The following CACNA2D1 variants were observed in gnomAD, a reference collection of about 807,000 sequenced individuals.
CACNA2D1 encodes the protein voltage-dependent calcium channel subunit alpha-2/delta-1.
Under a neutral mutation model 171.5 loss-of-function variants are expected in CACNA2D1, and 53 were observed. The ratio of observed to expected loss-of-function variants is 0.31; its 90% confidence interval spans 0.25 to 0.39. The LOEUF is 0.39. Ranked by LOEUF, CACNA2D1 falls within the 10% of genes least tolerant of loss-of-function variation. The probability of loss-of-function intolerance (pLI) is 1.00; values close to 1 mark genes in which losing one functional copy is unlikely to be tolerated. For missense variants in CACNA2D1, 903 were observed against 1,299.8 expected (o/e 0.69, Z 4.69); for synonymous variants, 442 against 443.1 (o/e 1.00, Z 0.03).
rs2129917053 is a variant in CACNA2D1, at chr7:81,949,599, T to G, written c.*793A>C. On this transcript the variant is annotated 3_prime_UTR_variant, in exon 39 of 39. Coordinates refer to ENST00000356860, the MANE Select transcript of CACNA2D1 (RefSeq NM_000722.4). Reference sequence around the variant, plus strand: ...GCATTTTTAAATATCTGGCTAGCACTACATAACTGTACTGTGAACAAAAGG... The same window carrying G: ...GCATTTTTAAATATCTGGCTAGCACGACATAACTGTACTGTGAACAAAAGG... The G allele has an allele frequency of 6.6e-6, 1 of 152,234 alleles. No individual in the cohort carries two copies. The highest frequency in any genetic ancestry group is 6.5e-5 in the Admixed American group (1 of 15,272). The allele number at this position is 152,234 out of a possible 1,614,324, so 9.4% of individuals were successfully genotyped here.
intron 5 of CACNA2D1, among the ~76,000 whole-genome samples, chr7:82,135,836 T>C (rs1002750424): frequency 6.6e-6 from 1 of 152,158 alleles, no homozygotes; most frequent in South Asian, 2.1e-4. Context: ...GTTTGCTATG[T>C]TTACTGAAAT....
At position 82,329,397 on chromosome 7, in the gene CACNA2D1, T is replaced by C. The variant is rs547358971; in HGVS notation, c.294+5738A>G. On this transcript the variant is annotated intron_variant, in intron 3 of 38. Transcript: ENST00000356860. ...AATTGGAAAATGTCACCAGAAAAAT[T>C]TGTTTATTATAACCTTGATCCTATT... Among the ~76,000 whole-genome samples, 185 of 152,084 alleles carry C rather than the reference T, an allele frequency of 1.2e-3. 1 individual carries two copies. Among genetic ancestry groups the C allele is most frequent in the Non-Finnish European group, 1.4e-3 (96 of 68,008 alleles).
rs185467133 is a variant in CACNA2D1, at chr7:82,229,280, G to A, written c.295-58671C>T. On this transcript the variant is annotated intron_variant, in intron 3 of 38. Coordinates refer to ENST00000356860, the MANE Select transcript of CACNA2D1 (RefSeq NM_000722.4). The stretch of plus-strand genomic sequence containing the variant: ...ACCTTGTATCCCAAATGCACCAAAC[G>A]CAAGGCCCTTTCAGAGCACCTCACT... Among the ~76,000 whole-genome samples, 15 of 152,076 alleles carry A rather than the reference G, an allele frequency of 9.9e-5. No homozygotes were observed. The East Asian group carries it at 2.7e-3, about 28-fold the overall frequency.
At chr7:81,990,661 G>A (rs2130734821) in intron 21 of CACNA2D1, among the ~76,000 whole-genome samples, 1 of 152,258 alleles carries the variant, frequency 6.6e-6, no homozygotes, top group South Asian at 2.1e-4. Flanking sequence ...AGTGAAGGAA[G>A]TGTTGAGCAA....
At chr7:82,443,899 A>C (rs1228372847), upstream of CACNA2D1, 1 of 223,598 alleles carries the variant, frequency 4.5e-6, no homozygotes, top group Admixed American at 5.9e-5. Flanking sequence ...GAATCGGGGA[A>C]TGGCAGGCAG....
At chr7:82,339,682 T>C (rs188221641) in intron 2 of CACNA2D1, among the ~76,000 whole-genome samples, 198 of 152,270 alleles carry the variant, frequency 1.3e-3, no homozygotes, top group Non-Finnish European at 2.1e-3. Flanking sequence ...TGAAATAGCA[T>C]GGATCAAAGG....
At chr7:81,978,770 T>TATATATATACAC (rs772536703) in intron 24 of CACNA2D1, among the ~76,000 whole-genome samples, 1 of 144,018 alleles carries the variant, frequency 6.9e-6, no homozygotes, top group African/African-American at 2.6e-5. Flanking sequence ...TATATATATA[T>TATATATATACAC]ACACACACAC....
chr7:82,188,234 A>G (rs899746860), intron 3 of CACNA2D1, among the ~76,000 whole-genome samples: 6 of 152,130 alleles, frequency 3.9e-5, no homozygotes, highest in Non-Finnish European at 8.8e-5. Flanking sequence ...GCATGATTTA[A>G]TCAGAGAAAA....
At chr7:82,179,331 G>A (rs1796879521) in intron 3 of CACNA2D1, among the ~76,000 whole-genome samples, 1 of 152,024 alleles carries the variant, frequency 6.6e-6, no homozygotes, top group Admixed American at 6.6e-5. Context: ...GGACTGTGGA[G>A]AGGAAAAAAA....
chr7:82,385,600 C>A (rs1824254845), intron 1 of CACNA2D1, among the ~76,000 whole-genome samples: 1 of 151,526 alleles, frequency 6.6e-6, no homozygotes, highest in South Asian at 2.1e-4. Flanking sequence ...AGCCAGATAC[C>A]ACTTACACTA....
At chr7:82,289,260 T>C (rs1811224494) in intron 3 of CACNA2D1, among the ~76,000 whole-genome samples, 1 of 152,208 alleles carries the variant, frequency 6.6e-6, no homozygotes, top group African/African-American at 2.4e-5. Flanking sequence ...GTATCCAACA[T>C]ATACATAATT....
intron 3 of CACNA2D1, among the ~76,000 whole-genome samples, chr7:82,172,487 C>T (rs1796114712): frequency 6.6e-6 from 1 of 151,806 alleles, no homozygotes; most frequent in Non-Finnish European, 1.5e-5. Flanking sequence ...GGGTCTCACT[C>T]TGTCTCCCAG....
In CACNA2D1 at chr7:82,141,789, T is replaced by C. The variant is rs568495222; in HGVS notation, c.355-5113A>G. Among the ~76,000 whole-genome samples, 3 of 152,336 alleles carry C rather than the reference T, an allele frequency of 2.0e-5. No individual in the cohort carries two copies. The South Asian group carries it at 6.2e-4, about 32-fold the overall frequency. On this transcript the variant is annotated intron_variant, in intron 4 of 38. Coordinates refer to ENST00000356860, the MANE Select transcript of CACNA2D1 (RefSeq NM_000722.4). Reference sequence around the variant, plus strand: ...TTTTAGATAGTCAAGACATTGCCCGTCTGTTGATCAGTTTGAGCATATGTG... The same window carrying C: ...TTTTAGATAGTCAAGACATTGCCCGCCTGTTGATCAGTTTGAGCATATGTG...
chr7:81,987,751 G>C (rs980650371), intron 21 of CACNA2D1, among the ~76,000 whole-genome samples: 3 of 152,124 alleles, frequency 2.0e-5, no homozygotes, highest in African/African-American at 7.2e-5. Context: ...CTTGGAAAGC[G>C]AATGTGTGAG....
intron 38 of CACNA2D1, among the ~76,000 whole-genome samples, chr7:81,957,380 G>A (rs1793531070): frequency 2.0e-5 from 3 of 151,912 alleles, no homozygotes; most frequent in South Asian, 2.1e-4. Context: ...CATTAATATC[G>A]CAGATTTAGG....
intron 1 of CACNA2D1, among the ~76,000 whole-genome samples, chr7:82,356,998 A>T (rs1314949826): frequency 6.6e-6 from 1 of 152,214 alleles, no homozygotes; most frequent in Non-Finnish European, 1.5e-5. Flanking sequence ...AATTTGAAGC[A>T]GTCACTAAAA....
chr7:81,961,262 C>T (rs1048335032), intron 36 of CACNA2D1, among the ~76,000 whole-genome samples: 1 of 152,016 alleles, frequency 6.6e-6, no homozygotes, highest in African/African-American at 2.4e-5. Context: ...TGCCTTTCTC[C>T]TCTACCCTCA....
chr7:82,120,462 A>T (rs879264958), intron 5 of CACNA2D1, among the ~76,000 whole-genome samples: 2 of 152,210 alleles, frequency 1.3e-5, no homozygotes, highest in Non-Finnish European at 2.9e-5. Context: ...GCATGGCATC[A>T]CGGTCCAATG....
At position 82,439,931 on chromosome 7, in the gene CACNA2D1, A is replaced by G. The variant is rs543612097; in HGVS notation, c.95+3434T>C. Among the ~76,000 whole-genome samples the G allele has an allele frequency of 2.0e-3, 298 of 152,010 alleles. 10 individuals carry two copies. The South Asian group carries it at 0.06, about 31-fold the overall frequency. The stretch of plus-strand genomic sequence containing the variant: ...TGTAAAATGTAAACAGAAACTGCTG[A>G]CTTCAAGTGAGAATAATTATGTCAC... On this transcript the variant is annotated intron_variant, in intron 1 of 38. Coordinates refer to ENST00000356860, the MANE Select transcript of CACNA2D1 (RefSeq NM_000722.4).
Sources: allele counts gnomAD v4.1 joint callset (sites outside exome capture counted in the v4.1 genomes callset), GRCh38; gene constraint gnomAD v4.1.1; transcripts MANE v1.5; gene names NCBI Gene and HGNC (gene_info 2026-07-23, HGNC 2026-07-21).